Variants in OSBPL10 observed in about 807,000 individuals in gnomAD.
The protein encoded by OSBPL10 is oxysterol-binding protein-related protein 10.
OSBPL10 carries 49 observed loss-of-function variants against 81.7 expected under a neutral mutation model. The ratio of observed to expected loss-of-function variants is 0.60; its 90% CI spans 0.48 to 0.76. The LOEUF (loss-of-function observed/expected upper bound fraction) is 0.76. OSBPL10 is among the 30% of genes least tolerant of loss of function. The probability of loss-of-function intolerance (pLI) is 0.00; values close to 1 mark genes in which losing one functional copy is unlikely to be tolerated. For missense variants in OSBPL10, 923 were observed against 987.8 expected (o/e 0.93, Z 0.88); for synonymous variants, 419 against 383.6 (o/e 1.09, Z -1.08).
At chr3:32,026,061 A>AGATGATAGATAGATAGATAGAT (rs71628593) in intron 2 of OSBPL10, among the ~76,000 whole-genome samples, 7 of 90,764 alleles carry the variant, frequency 7.7e-5, no homozygotes, top group African/African-American at 2.1e-4. Flanking sequence ...GATAGATGAT[A>AGATGATAGATAGATAGATAGAT]GATAGATAGA....
rs942205330 is a variant in OSBPL10, at chr3:31,664,471, C to T, written c.2097-239G>A. 4.8e-5 allele frequency: 28 copies of T among 578,472 alleles called. No individual in the cohort carries two copies. In the Admixed American group the frequency reaches 6.2e-4, roughly 13 times the overall value. The allele number at this position is 578,472 out of a possible 1,614,324, so 35.8% of individuals were successfully genotyped here. A position where few individuals can be genotyped will look rare whatever the true frequency, so the allele number is the denominator to read the frequency against. ...CAGGCAGCATGCCTTTCTCAGGGCCCGGAGATTCTGGGAATCAAATCTAAT... is the reference window on the plus strand; with the variant it reads ...CAGGCAGCATGCCTTTCTCAGGGCCTGGAGATTCTGGGAATCAAATCTAAT... On this transcript the variant is annotated intron_variant, in intron 10 of 11. Coordinates refer to ENST00000396556, the MANE Select transcript of OSBPL10 (RefSeq NM_017784.5).
chr3:31,695,501 C>T (rs920551183), intron 7 of OSBPL10, among the ~76,000 whole-genome samples: 6 of 152,126 alleles, frequency 3.9e-5, no homozygotes, highest in Non-Finnish European at 5.9e-5. Context: ...GAGTCCCTGG[C>T]CCAACCCTAT....
intron 5 of OSBPL10, among the ~76,000 whole-genome samples, chr3:31,745,131 G>A (rs554103256): frequency 2.6e-5 from 4 of 152,308 alleles, no homozygotes; most frequent in Admixed American, 1.3e-4. Context: ...AGGTTTGGGC[G>A]CCCTTGCTCC....
intron 4 of OSBPL10, among the ~76,000 whole-genome samples, chr3:31,800,310 G>A (rs1011763501): frequency 1.1e-4 from 17 of 152,134 alleles, no homozygotes; most frequent in Admixed American, 7.2e-4. Context: ...CAAGGAAGCC[G>A]CATTTCACTT....
chr3:31,799,382 A>T (rs958965883), intron 4 of OSBPL10, among the ~76,000 whole-genome samples: 3 of 145,730 alleles, frequency 2.1e-5, no homozygotes, highest in African/African-American at 7.7e-5. Context: ...ATCTCTTTAA[A>T]AAAAAAAAAA....
At chr3:31,890,925 C>A (rs143739310) in intron 1 of OSBPL10, among the ~76,000 whole-genome samples, 4 of 152,186 alleles carry the variant, frequency 2.6e-5, no homozygotes, top group South Asian at 2.1e-4. Context: ...TCCTGAAAGT[C>A]ACGCTGAAAA....
rs145725091 is a variant in OSBPL10, at chr3:31,931,108, G to A, written c.281+49791C>T. Among the ~76,000 whole-genome samples, 561 of 148,644 alleles carry A rather than the reference G, an allele frequency of 3.8e-3. 3 individuals are homozygous for A. Among genetic ancestry groups the A allele is most frequent in the Non-Finnish European group, 6.7e-3 (454 of 67,286 alleles). On this transcript the variant is annotated intron_variant, in intron 1 of 11. Coordinates refer to ENST00000396556, the MANE Select transcript of OSBPL10 (RefSeq NM_017784.5). ...CATTCAATATCTCTGGGAGCATATAGAAGAAACCAATAACACTGGTGATTA... is the reference window on the plus strand; with the variant it reads ...CATTCAATATCTCTGGGAGCATATAAAAGAAACCAATAACACTGGTGATTA...
intron 1 of OSBPL10, among the ~76,000 whole-genome samples, chr3:31,928,017 G>A (rs937203284): frequency 6.6e-6 from 1 of 152,168 alleles, no homozygotes; most frequent in African/African-American, 2.4e-5. Context: ...TGAGGAACAA[G>A]AAGTGAGAGA....
intron 5 of OSBPL10, 23 bp from the exon 6 acceptor site, chr3:31,733,434 T>C (rs1221904375): frequency 6.2e-7 from 1 of 1,614,080 alleles, no homozygotes; most frequent in African/African-American, 1.3e-5. Context: ...CCTAGAATGA[T>C]GCCAAGTATT....
intron 1 of OSBPL10, among the ~76,000 whole-genome samples, chr3:31,969,990 A>AC (rs1472987667): frequency 6.6e-6 from 1 of 152,122 alleles, no homozygotes; most frequent in Non-Finnish European, 1.5e-5. Context: ...GTCCTAGTTT[A>AC]CCCTAAGCCA....
At chr3:31,930,005 A>AACAAAC (rs1344853276) in intron 1 of OSBPL10, among the ~76,000 whole-genome samples, 9 of 112,962 alleles carry the variant, frequency 8.0e-5, no homozygotes, top group South Asian at 3.5e-4. Context: ...TCACCAACCA[A>AACAAAC]AAAAAAAAAA....
chr3:31,836,652 T>C (rs562380702), intron 3 of OSBPL10, among the ~76,000 whole-genome samples: 24 of 151,972 alleles, frequency 1.6e-4, no homozygotes, highest in Non-Finnish European at 3.2e-4. Context: ...CCAAGTCAAC[T>C]GAAAGCACTG....
chr3:31,996,359 C>G (rs535193236), intron 2 of OSBPL10, among the ~76,000 whole-genome samples: 1 of 152,164 alleles, frequency 6.6e-6, no homozygotes, highest in Non-Finnish European at 1.5e-5. Context: ...AAACTCTCCC[C>G]CCCGTGCAAG....
Position 31,980,466 on chromosome 3 carries a change from A to G in OSBPL10, c.281+433T>C, listed in dbSNP as rs542210980. ...CTTTAAAATGAACTGTTACTTAGAG[A>G]ATTACTGTAATCGGAGCGGACGTGC... On this transcript the variant is annotated intron_variant, in intron 1 of 11. Coordinates refer to ENST00000396556, the MANE Select transcript of OSBPL10 (RefSeq NM_017784.5). Among the ~76,000 whole-genome samples, 9 of 152,276 alleles carry G rather than the reference A, an allele frequency of 5.9e-5. No individual in the cohort carries two copies. The East Asian group carries it at 1.5e-3, about 26-fold the overall frequency.
At chr3:31,879,911 A>T in intron 1 of OSBPL10, 81 bp from the exon 2 acceptor site, 1 of 1,392,960 alleles carries the variant, frequency 7.2e-7, no homozygotes, top group Admixed American at 2.5e-5. Flanking sequence ...AAAGTGATCC[A>T]GAAGTCAACA....
intron 4 of OSBPL10, among the ~76,000 whole-genome samples, chr3:31,767,381 C>A (rs183006838): frequency 6.6e-6 from 1 of 152,302 alleles, no homozygotes; most frequent in Admixed American, 6.5e-5. Context: ...TTCTCACAAA[C>A]GGTGGCTTTG....
intron 7 of OSBPL10, among the ~76,000 whole-genome samples, chr3:31,694,603 A>G (rs1688311143): frequency 6.6e-6 from 1 of 152,148 alleles, no homozygotes. Context: ...CCCTGTATAC[A>G]CTAAATATGT....
chr3:31,905,746 T>C (rs1038325637), intron 1 of OSBPL10, among the ~76,000 whole-genome samples: 2 of 152,006 alleles, frequency 1.3e-5, no homozygotes, highest in African/African-American at 4.8e-5. Context: ...AAGCATTGAC[T>C]ATGATATTAT....
At chr3:31,723,608 C>G (rs932547071) in intron 6 of OSBPL10, among the ~76,000 whole-genome samples, 1 of 150,922 alleles carries the variant, frequency 6.6e-6, no homozygotes, top group African/African-American at 2.4e-5. Context: ...ATCATCAGTA[C>G]CAAAAAAAAT....
Sources: gnomAD v4.1 joint callset for allele counts (sites outside exome capture counted in the v4.1 genomes callset) on GRCh38, gnomAD v4.1.1 for gene constraint, MANE v1.5 for transcripts, NCBI Gene and HGNC (gene_info 2026-07-23, HGNC 2026-07-21) for gene names.